Variants in LAMC3 observed in about 807,000 individuals in gnomAD.
LAMC3 encodes laminin subunit gamma-3.
LAMC3 carries 128 observed loss-of-function variants against 173.8 expected under a neutral mutation model. The ratio of observed to expected loss-of-function variants is 0.74; its 90% CI spans 0.64 to 0.85. The LOEUF is 0.85. Among genes scored for constraint, LAMC3 ranks in the 40% least tolerant of loss-of-function variants. The probability of loss-of-function intolerance (pLI) is 0.00; values close to 1 mark genes in which losing one functional copy is unlikely to be tolerated. For missense variants in LAMC3, 2,022 were observed against 2,156.0 expected (o/e 0.94, Z 1.23); for synonymous variants, 897 against 909.1 (o/e 0.99, Z 0.24).
chr9:131,043,462 A>G (rs1834092778), intron 7 of LAMC3, among the ~76,000 whole-genome samples: 1 of 152,064 alleles, frequency 6.6e-6, no homozygotes, highest in South Asian at 2.1e-4. Context: ...AAACAGAGAC[A>G]GACACAAACA....
At chr9:131,086,575 C>CTTTTTTTTTTTTTTTTTTTTT (rs778812487) in intron 25 of LAMC3, among the ~76,000 whole-genome samples, 6 of 92,478 alleles carry the variant, frequency 6.5e-5, no homozygotes, top group Admixed American at 1.2e-4. Context: ...GCCTGGCTAA[C>CTTTTTTTTTTTTTTTTTTTTT]TTTTTTTTTT....
rs1037411285 is a variant in LAMC3, at chr9:131,009,685, T to G, written c.373+98T>G. 2.8e-6 allele frequency: 4 copies of G among 1,423,906 alleles called. No homozygotes were observed. The highest frequency in any genetic ancestry group is 1.9e-6 in the Non-Finnish European group (2 of 1,048,404). The allele number at this position is 1,423,906 out of a possible 1,614,324, so 88.2% of individuals were successfully genotyped here. A position where few individuals can be genotyped will look rare whatever the true frequency, so the allele number is the denominator to read the frequency against. On this transcript the variant is annotated intron_variant, in intron 1 of 27. Transcript: ENST00000361069. The surrounding 1 kb of genome is among the most constrained non-coding windows in gnomAD (Gnocchi z 4.3). ...GAGCTGCTGTGCGCCCAGGTTGGGC[T>G]GCAGGACCCAGATATGGTGTTGGAT... is the stretch of plus-strand genomic sequence containing the variant.
rs561855760 is a variant in LAMC3 at position 131,038,025 on chromosome 9, A to G, written c.977-839A>G. 1.1e-4 allele frequency among the ~76,000 whole-genome samples: 16 copies of G among 152,082 alleles called. No homozygotes were observed. In the East Asian group the frequency reaches 2.9e-3, roughly 28 times the overall value. ...CCGTCTGCAGCCAGCCTCATGGCAC[A>G]CCCGCACCAGGCCACGCGTCTGTCT... On this transcript the variant is annotated intron_variant, in intron 4 of 27. Coordinates refer to ENST00000361069, the MANE Select transcript of LAMC3 (RefSeq NM_006059.4).
chr9:131,066,618 G>A (rs1020975544), intron 13 of LAMC3, among the ~76,000 whole-genome samples: 6 of 152,140 alleles, frequency 3.9e-5, no homozygotes, highest in African/African-American at 1.4e-4. Context: ...TGTGAGGACA[G>A]ATATGTGATG....
intron 11 of LAMC3, 138 bp from the exon 12 acceptor site, chr9:131,056,791 A>G (rs1834414861): frequency 2.6e-6 from 2 of 755,818 alleles, no homozygotes; most frequent in South Asian, 1.4e-5. Context: ...ATCTGTCTCA[A>G]AAAAAGAAAA....
chr9:131,009,201 C>A lies in LAMC3; in HGVS notation c.-14C>A. On this transcript the variant is annotated 5_prime_UTR_variant, in exon 1 of 28. Coordinates refer to ENST00000361069, the MANE Select transcript of LAMC3 (RefSeq NM_006059.4). The surrounding 1 kb of genome is among the most constrained non-coding windows in gnomAD (Gnocchi z 4.3). ...GCGGGGCCGGCAGAGCGCGCGGCGT[C>A]GGTGCCCTTGACCATGGCGGCGGCT... is the stretch of plus-strand genomic sequence containing the variant. 1 of 1,199,302 alleles carries A rather than the reference C, an allele frequency of 8.3e-7. No individual in the cohort carries two copies. The highest frequency in any genetic ancestry group is 4.0e-5 in the South Asian group (1 of 25,162). The allele number at this position is 1,199,302 out of a possible 1,614,324, so 74.3% of individuals were successfully genotyped here. A position where few individuals can be genotyped will look rare whatever the true frequency, so the allele number is the denominator to read the frequency against.
rs561212363 is a variant in LAMC3, at chr9:131,019,890, C to T, written c.374-6395C>T. Among the ~76,000 whole-genome samples the T allele has an allele frequency of 1.2e-3, 182 of 151,948 alleles. 1 individual carries two copies. Among genetic ancestry groups the T allele is most frequent in the Non-Finnish European group, 2.0e-3 (139 of 67,938 alleles). On this transcript the variant is annotated intron_variant, in intron 1 of 27. Transcript: ENST00000361069. ...TGGGCACAGCAGAGCCTCCCCCGGC[C>T]GGGCCCCGCACCGCCCACGCCAAAC...
In LAMC3 at chr9:131,052,508, C is replaced by T. The variant is rs868403677; in HGVS notation, c.1648C>T (p.Gln550Ter). 14 of 1,614,020 alleles carry T rather than the reference C, an allele frequency of 8.7e-6. No homozygotes were observed. The highest frequency in any genetic ancestry group is 1.0e-5 in the Non-Finnish European group (12 of 1,179,970). The stretch of plus-strand genomic sequence containing the variant: ...GTCTTCAGAGAAGTTCCTGGGAGAC[C>T]AGCGGTTCAGCTATGGGCAGCCCCT... The part of the protein sequence containing the change: ...LTAPEKFLGD[Q>*]RFSYGQPLIL... Residue 550 changes from glutamine to a stop codon, truncating the protein, a stop_gained, in exon 10 of 28, where the codon CAG (glutamine) becomes TAG (stop). Coordinates refer to ENST00000361069, the MANE Select transcript of LAMC3 (RefSeq NM_006059.4). LOFTEE classifies it high-confidence loss of function.
rs1830440033 is a variant in LAMC3 at position 131,092,278 on chromosome 9, C to T, written c.*491C>T. On this transcript the variant is annotated 3_prime_UTR_variant, in exon 28 of 28. Coordinates refer to ENST00000361069, the MANE Select transcript of LAMC3 (RefSeq NM_006059.4). ...TAGCAGGGAGGTCTCAGCAGATCTGCAGAGATCAAGGGGGTCAGCAACAGC... is the reference window on the plus strand; with the variant it reads ...TAGCAGGGAGGTCTCAGCAGATCTGTAGAGATCAAGGGGGTCAGCAACAGC... 1 of 204,262 alleles carries T rather than the reference C, an allele frequency of 4.9e-6. No homozygotes were observed. Among genetic ancestry groups the T allele is most frequent in the Non-Finnish European group, 1.0e-5 (1 of 99,074 alleles). 12.7% of individuals were successfully genotyped at this position (204,262 alleles called of 1,614,324 possible).
At chr9:131,037,316 T>G (rs557796405) in intron 4 of LAMC3, among the ~76,000 whole-genome samples, 1 of 152,304 alleles carries the variant, frequency 6.6e-6, no homozygotes, top group South Asian at 2.1e-4. Flanking sequence ...GGCTTGACCC[T>G]TCATCCCCAC....
intron 27 of LAMC3, 68 bp from the exon 28 acceptor site, chr9:131,091,469 G>A: frequency 6.5e-7 from 1 of 1,547,130 alleles, no homozygotes; most frequent in Non-Finnish European, 8.7e-7. Context: ...GAGGCTCAGG[G>A]GCTGGGAGGT....
intron 11 of LAMC3, among the ~76,000 whole-genome samples, chr9:131,055,841 T>C (rs1834393895): frequency 6.6e-6 from 1 of 152,114 alleles, no homozygotes; most frequent in Non-Finnish European, 1.5e-5. Context: ...CATTTCTGTG[T>C]CAATTAGCTT....
At chr9:131,068,732 T>G (rs1017792947) in intron 15 of LAMC3, among the ~76,000 whole-genome samples, 176 bp from the exon 16 acceptor site, 7 of 152,164 alleles carry the variant, frequency 4.6e-5, no homozygotes, top group Admixed American at 1.3e-4. Flanking sequence ...CTGAGCATCC[T>G]GGGAAACTTG....
chr9:131,036,016 C>T (rs1833936792), intron 3 of LAMC3, 150 bp from the exon 4 acceptor site: 3 of 808,024 alleles, frequency 3.7e-6, no homozygotes, highest in Non-Finnish European at 6.5e-6. Flanking sequence ...GTTACTGCTG[C>T]CCCCAGGGCA....
chr9:131,069,004 C>T lies in LAMC3; in HGVS notation c.2844C>T (p.Asp948=). 6.2e-7 allele frequency: 1 copy of T among 1,614,112 alleles called. No individual in the cohort carries two copies. The highest frequency in any genetic ancestry group is 1.1e-5 in the South Asian group (1 of 91,084). ...CAGGTGTCACAGGCCAGGCCTGTGA[C>T]AGGTGCCAGCTGGGTTTCTTCGGCT... ...CRPGVTGQAC[D]RCQLGFFGFS... Residue 948 remains aspartate, a synonymous_variant, in exon 16 of 28, where the codon GAC becomes GAT. Transcript: ENST00000361069.
rs555753834 is a variant in LAMC3, at chr9:131,041,815, G to A, written c.1382+80G>A. ...ATGAGGCACCAAAGCTGTGGAGTGC[G>A]GGGAGGAGCAAGGGGCACGGTCTTC... On this transcript the variant is annotated intron_variant, in intron 7 of 27. Transcript: ENST00000361069. The A allele has an allele frequency of 5.6e-5, 72 of 1,274,946 alleles. 1 individual carries two copies. In the African/African-American group the frequency reaches 7.3e-4, roughly 13 times the overall value. 79.0% of individuals were successfully genotyped at this position (1,274,946 alleles called of 1,614,324 possible). A position where few individuals can be genotyped will look rare whatever the true frequency, so the allele number is the denominator to read the frequency against.
chr9:131,009,545 G>A lies in LAMC3; in HGVS notation c.331G>A (p.Gly111Ser), dbSNP rs956457336. Residue 111 changes from glycine to serine, a missense_variant, in exon 1 of 28, where the codon GGC becomes AGC. Physicochemically the swap from Gly to Ser is moderately conservative, Grantham distance 56. Transcript: ENST00000361069. This position sits in a 1 kb window ranked among gnomAD's most constrained non-coding sequence, Gnocchi z 4.3. ...TWWQSPSMAF[G>S]VQYPTSVNIT... ...GTGGCAGAGCCCGTCCATGGCCTTC[G>A]GCGTGCAGTACCCCACCTCGGTCAA... 1.9e-6 allele frequency: 3 copies of A among 1,567,256 alleles called. No homozygotes were observed. The highest frequency in any genetic ancestry group is 1.4e-5 in the African/African-American group (1 of 73,670).
chr9:131,068,218 A>G lies in LAMC3; in HGVS notation c.2734A>G (p.Arg912Gly). The G allele has an allele frequency of 6.2e-7, 1 of 1,610,404 alleles. No homozygotes were observed. Reference protein sequence around the residue: ...YPGFFDLQPGRGCRSCKCHPL... With the variant: ...YPGFFDLQPGGGCRSCKCHPL... The stretch of plus-strand genomic sequence containing the variant: ...TGGCTTCTTCGACCTCCAGCCTGGG[A>G]GGGGCTGCCGGAGGTAGGTAGGGTG... The change falls in exon 15 of 28, where the codon AGG (arginine) becomes GGG (glycine). Residue 912 changes from arginine (R) to glycine (G), a missense_variant. Arg to Gly is a moderately radical substitution (Grantham distance 125). Transcript: ENST00000361069.
intron 8 of LAMC3, 32 bp downstream of exon 8, chr9:131,045,692 G>A: frequency 6.2e-7 from 1 of 1,613,014 alleles, no homozygotes; most frequent in South Asian, 1.1e-5. Flanking sequence ...CGCCTCCCAA[G>A]GGTCTGCTCC....
Sources: gnomAD v4.1 joint callset for allele counts (sites outside exome capture counted in the v4.1 genomes callset) on GRCh38, gnomAD v4.1.1 for gene constraint, Gnocchi (gnomAD v3.1) non-coding constraint, MANE v1.5 for transcripts, NCBI Gene and HGNC (gene_info 2026-07-23, HGNC 2026-07-21) for gene names.